ATP8A2: variants seen among roughly 807,000 people sequenced by gnomAD.
ATP8A2 encodes ATPase phospholipid transporting 8A2, also known as phospholipid-transporting ATPase IB.
Under a neutral mutation model 165.6 loss-of-function variants are expected in ATP8A2, and 100 were observed. The ratio of observed to expected loss-of-function variants is 0.60; its 90% CI spans 0.51 to 0.71. ATP8A2 has a LOEUF of 0.71. ATP8A2 is among the 30% of genes least tolerant of loss of function. ATP8A2 has a pLI of 0.00. For synonymous variants in ATP8A2, 543 were observed against 548.8 expected (o/e 0.99, Z 0.15); for missense variants, 1,227 against 1,479.5 (o/e 0.83, Z 2.80).
In ATP8A2 at chr13:25,577,074, GA is replaced by G. The variant is rs781728198; in HGVS notation, c.1723del (p.Arg575GlufsTer4). ...TTTTTTTTTCACTCTCCCAGTGACA[GA>G]AAAAGAATGTCTGTAATTGTTCGAA... is the stretch of plus-strand genomic sequence containing the variant. Reference protein sequence around the residue: ...ILNVLEFSSDRKRMSVIVRTP... With the variant: ...ILNVLEFSSDXKRMSVIVRTP... On this transcript the variant is annotated frameshift_variant, in exon 20 of 37. Transcript: ENST00000381655. LOFTEE classifies it high-confidence loss of function. The G allele has an allele frequency of 6.2e-7, 1 of 1,613,286 alleles. No homozygotes were observed. Among genetic ancestry groups the G allele is most frequent in the Non-Finnish European group, 8.5e-7 (1 of 1,179,524 alleles).
chr13:25,947,683 G>A (rs1955248794), intron 33 of ATP8A2, among the ~76,000 whole-genome samples: 1 of 152,202 alleles, frequency 6.6e-6, no homozygotes, highest in African/African-American at 2.4e-5. Flanking sequence ...GGAAGCAGCT[G>A]AGGCTCTGGA....
At chr13:25,660,139 T>C (rs1483146053) in intron 24 of ATP8A2, among the ~76,000 whole-genome samples, 1 of 152,252 alleles carries the variant, frequency 6.6e-6, no homozygotes, top group Non-Finnish European at 1.5e-5. Flanking sequence ...CTATTTCTTT[T>C]TTCTTAACTT....
In ATP8A2 at chr13:25,623,896, A is replaced by G. The variant is rs1379776330; in HGVS notation, c.2211+34197A>G. On this transcript the variant is annotated intron_variant, in intron 24 of 36. Transcript: ENST00000381655. ...CATATACCTATATATGCATATATCT[A>G]TAATGCATGTATGTATGTGTGTGCA... Among the ~76,000 whole-genome samples, 4 of 151,174 alleles carry G rather than the reference A, an allele frequency of 2.6e-5. No homozygotes were observed. The East Asian group carries it at 7.7e-4, about 29-fold the overall frequency.
intron 35 of ATP8A2, among the ~76,000 whole-genome samples, chr13:26,002,886 G>A (rs1956662918): frequency 6.7e-6 from 1 of 148,908 alleles, no homozygotes; most frequent in African/African-American, 2.5e-5. Flanking sequence ...GTGTGTGTGT[G>A]TGTGTGTGTA....
chr13:25,435,237 C>T (rs1191138736), intron 1 of ATP8A2, among the ~76,000 whole-genome samples: 2 of 151,774 alleles, frequency 1.3e-5, no homozygotes, highest in Non-Finnish European at 2.9e-5. Flanking sequence ...TCTCCTGCCT[C>T]AACCTCCCAA....
At chr13:25,738,975 C>T (rs2043847662) in intron 25 of ATP8A2, among the ~76,000 whole-genome samples, 1 of 152,212 alleles carries the variant, frequency 6.6e-6, no homozygotes, top group East Asian at 1.9e-4. Flanking sequence ...ATCCTTGTTA[C>T]GTAAGTCCAA....
rs551130371 is a variant in ATP8A2 at position 25,576,250 on chromosome 13, T to C, written c.1713-819T>C. Among the ~76,000 whole-genome samples, 426 of 152,264 alleles carry C rather than the reference T, an allele frequency of 2.8e-3. 3 individuals carry two copies. The highest frequency in any genetic ancestry group is 0.013 in the Admixed American group (202 of 15,300). On this transcript the variant is annotated intron_variant, in intron 19 of 36. Coordinates refer to ENST00000381655, the MANE Select transcript of ATP8A2 (RefSeq NM_016529.6). ...ACTCTCCCCGACTCTTAGAGACTTA[T>C]AGTCCATTGGGAACCACCACACTGA...
rs766610938 is a variant in ATP8A2, at chr13:25,779,988, C to T, written c.2679+5029C>T. Among the ~76,000 whole-genome samples the T allele has an allele frequency of 1.5e-3, 225 of 152,300 alleles. 3 individuals carry two copies. The highest frequency in any genetic ancestry group is 2.8e-3 in the Non-Finnish European group (191 of 68,018). On this transcript the variant is annotated intron_variant, in intron 27 of 36. Coordinates refer to ENST00000381655, the MANE Select transcript of ATP8A2 (RefSeq NM_016529.6). The stretch of plus-strand genomic sequence containing the variant: ...GGGTTTTCTTAATAGAGTACAGTTT[C>T]AAAGCACAGCAGCATCAGCATTTTA...
At chr13:25,597,600 C>T (rs1224176819) in intron 24 of ATP8A2, among the ~76,000 whole-genome samples, 1 of 152,152 alleles carries the variant, frequency 6.6e-6, no homozygotes, top group African/African-American at 2.4e-5. Flanking sequence ...GAGATGAATC[C>T]TGCCAACAAC....
Position 26,020,176 on chromosome 13 carries a change from A to G in ATP8A2, c.*191A>G. On this transcript the variant is annotated 3_prime_UTR_variant, in exon 37 of 37. Coordinates refer to ENST00000381655, the MANE Select transcript of ATP8A2 (RefSeq NM_016529.6). ...TGGAGTGCAGACCACAGGGGAAGCT[A>G]TCTTTGCCCTCCCAACTCGTCTGCA... 1 of 593,284 alleles carries G rather than the reference A, an allele frequency of 1.7e-6. No homozygotes were observed. The highest frequency in any genetic ancestry group is 3.0e-6 in the Non-Finnish European group (1 of 333,982). The allele number at this position is 593,284 out of a possible 1,614,324, so 36.8% of individuals were successfully genotyped here.
At position 25,932,255 on chromosome 13, in the gene ATP8A2, G is replaced by A. The variant is rs188190834; in HGVS notation, c.3184-29320G>A. 4.2e-3 allele frequency among the ~76,000 whole-genome samples: 644 copies of A among 152,268 alleles called. 1 individual carries two copies. Among genetic ancestry groups the A allele is most frequent in the Non-Finnish European group, 7.3e-3 (495 of 68,028 alleles). ...AGAAAGGAAAAAGGCCTCTGGTGTG[G>A]TCCTCAGAAAACAGCACCTACCTCC... On this transcript the variant is annotated intron_variant, in intron 33 of 36. Transcript: ENST00000381655.
chr13:25,736,316 A>G (rs1419546146), intron 25 of ATP8A2, among the ~76,000 whole-genome samples: 1 of 152,218 alleles, frequency 6.6e-6, no homozygotes, highest in Admixed American at 6.5e-5. Context: ...AAAAATTTAG[A>G]AAGTAGGAGG....
intron 2 of ATP8A2, among the ~76,000 whole-genome samples, chr13:25,487,521 C>A (rs1246081167): frequency 6.6e-6 from 1 of 152,160 alleles, no homozygotes; most frequent in Admixed American, 6.5e-5. Flanking sequence ...TTAAACAGCA[C>A]CTCACTGAGT....
intron 25 of ATP8A2, among the ~76,000 whole-genome samples, chr13:25,718,194 A>G (rs1467889799): frequency 6.7e-6 from 1 of 148,214 alleles, no homozygotes; most frequent in Non-Finnish European, 1.5e-5. Context: ...AAATTAGGTT[A>G]AGATCAATTT....
chr13:25,590,915 C>A (rs1206610783), intron 24 of ATP8A2, among the ~76,000 whole-genome samples: 3 of 152,042 alleles, frequency 2.0e-5, no homozygotes, highest in Non-Finnish European at 4.4e-5. Context: ...AAGAGACCAC[C>A]CTCTGGCGTG....
At chr13:25,552,888 C>T (rs971086807) in intron 11 of ATP8A2, among the ~76,000 whole-genome samples, 17 of 152,054 alleles carry the variant, frequency 1.1e-4, no homozygotes, top group Admixed American at 2.6e-4. Context: ...ATCACAGCCA[C>T]GCTTCAAAAC....
chr13:25,478,914 C>T (rs1167206209), intron 2 of ATP8A2, among the ~76,000 whole-genome samples: 1 of 151,574 alleles, frequency 6.6e-6, no homozygotes, highest in Non-Finnish European at 1.5e-5. Flanking sequence ...GTGGCGTGAT[C>T]TTGGCTCACT....
At chr13:25,482,376 G>C (rs898335032) in intron 2 of ATP8A2, among the ~76,000 whole-genome samples, 1 of 152,146 alleles carries the variant, frequency 6.6e-6, no homozygotes, top group Non-Finnish European at 1.5e-5. Context: ...CGTGGTTAGT[G>C]GCAGCACTGC....
In ATP8A2 at chr13:25,372,354, C is replaced by A. The variant is rs1291819398; in HGVS notation, c.76+66C>A. 15 of 1,244,288 alleles carry A rather than the reference C, an allele frequency of 1.2e-5. No individual in the cohort carries two copies. Among genetic ancestry groups the A allele is most frequent in the Non-Finnish European group, 1.6e-5 (15 of 939,488 alleles). The allele number at this position is 1,244,288 out of a possible 1,614,324, so 77.1% of individuals were successfully genotyped here. A position where few individuals can be genotyped will look rare whatever the true frequency, so the allele number is the denominator to read the frequency against. ...GCGGGGGCGGCGCGGGGCGCGCCTG[C>A]GGTTATGCGACACTGCCCCGCCCGC... On this transcript the variant is annotated intron_variant, in intron 1 of 36. Coordinates refer to ENST00000381655, the MANE Select transcript of ATP8A2 (RefSeq NM_016529.6). This position sits in a 1 kb window ranked among gnomAD's most constrained non-coding sequence, Gnocchi z 4.8.
Sources: gnomAD v4.1 joint callset for allele counts (sites outside exome capture counted in the v4.1 genomes callset) on GRCh38, gnomAD v4.1.1 for gene constraint, Gnocchi (gnomAD v3.1) non-coding constraint, MANE v1.5 for transcripts, NCBI Gene and HGNC (gene_info 2026-07-23, HGNC 2026-07-21) for gene names.